Variants in ENO4 observed in about 807,000 individuals in gnomAD.
ENO4 encodes the protein enolase 4.
In ENO4, 53 loss-of-function variants were observed where a neutral mutation model predicts 63.2. The observed-to-expected ratio is 0.84, with a 90% CI of 0.67 to 1.05. The LOEUF (loss-of-function observed/expected upper bound fraction) is 1.05. Ranked by LOEUF, ENO4 falls within the 50% of genes least tolerant of loss-of-function variation. The pLI, the probability that ENO4 is intolerant of heterozygous loss-of-function variation, is 0.00. For synonymous variants in ENO4, 266 were observed against 283.8 expected (o/e 0.94, Z 0.63); for missense variants, 719 against 772.0 (o/e 0.93, Z 0.81).
intron 10 of ENO4, among the ~76,000 whole-genome samples, chr10:116,891,919 TAA>T (rs1191070598): frequency 6.6e-6 from 1 of 152,328 alleles, no homozygotes; most frequent in Admixed American, 6.5e-5. Flanking sequence ...AAGAACGTAT[TAA>T]GTTTGTCAAT....
At position 116,861,041 on chromosome 10, in the gene ENO4, G is replaced by A. The variant is rs565754588; in HGVS notation, c.805-18G>A. 3.2e-5 allele frequency: 50 copies of A among 1,542,326 alleles called. No homozygotes were observed. Among genetic ancestry groups the A allele is most frequent in the Middle Eastern group, 1.7e-4 (1 of 5,956 alleles). On this transcript the variant is annotated intron_variant, in intron 5 of 13. Coordinates refer to ENST00000341276, the MANE Select transcript of ENO4 (RefSeq NM_001242699.2). The stretch of plus-strand genomic sequence containing the variant: ...TGAACCCTGTTTCTCATTTTCCCTC[G>A]TTTTCCCCCTATTTCAGGAACAGCC...
intron 10 of ENO4, among the ~76,000 whole-genome samples, chr10:116,898,680 G>A (rs1011526200): frequency 6.6e-6 from 1 of 152,046 alleles, no homozygotes; most frequent in Non-Finnish European, 1.5e-5. Flanking sequence ...AATAGAAACA[G>A]AATAAATTAG....
rs888094833 is a variant in ENO4 at position 116,879,966 on chromosome 10, T to C, written c.1703T>C (p.Leu568Pro). The change falls in exon 13 of 14, where the codon CTT becomes CCT. Residue 568 changes from leucine (L) to proline (P), a missense_variant. This residue lies in a region of ENO4 where 168 missense variants were observed against 163.3 expected (regional missense o/e 1.03). Transcript: ENST00000341276. ...CGCCTTCTCACTATAGAGGAAGAAC[T>C]TGTCCAGAATGGAACACTGGGTATG... ...YNRLLTIEEE[L>P]VQNGTLGFKE... The C allele has an allele frequency of 1.3e-6, 2 of 1,550,478 alleles. No homozygotes were observed. The highest frequency in any genetic ancestry group is 2.0e-5 in the Admixed American group (1 of 50,966).
At chr10:116,863,466 A>G (rs1291951979) in intron 7 of ENO4, among the ~76,000 whole-genome samples, 1 of 152,156 alleles carries the variant, frequency 6.6e-6, no homozygotes, top group Non-Finnish European at 1.5e-5. Flanking sequence ...ACATTTGTCA[A>G]AACTAAGAAA....
chr10:116,878,986 A>G (rs1166563105), intron 11 of ENO4, among the ~76,000 whole-genome samples: 4 of 151,962 alleles, frequency 2.6e-5, no homozygotes, highest in East Asian at 1.9e-4. Flanking sequence ...CTCATGATCC[A>G]CCTGCCTTGG....
At chr10:116,900,559 G>A (rs1438743041) in intron 10 of ENO4, 2 of 1,534,660 alleles carry the variant, frequency 1.3e-6, no homozygotes, top group African/African-American at 2.7e-5. Context: ...AATGGTAAAG[G>A]AGAAAAATCT....
chr10:116,857,214 A>C (rs531590673), intron 3 of ENO4, among the ~76,000 whole-genome samples: 1 of 152,260 alleles, frequency 6.6e-6, no homozygotes, highest in East Asian at 1.9e-4. Context: ...CTTTTCATGT[A>C]TAGAGCTTTC....
intron 9 of ENO4, among the ~76,000 whole-genome samples, chr10:116,872,419 C>T (rs144587173): frequency 6.0e-4 from 91 of 152,138 alleles, no homozygotes; most frequent in Non-Finnish European, 9.7e-4. Context: ...ATCATGGTGG[C>T]GGGTCTTTCC....
chr10:116,885,460 C>A (rs942305822), downstream of ENO4: 25 of 152,064 alleles, frequency 1.6e-4, no homozygotes, highest in South Asian at 8.3e-4. Context: ...TTAAAAAAAA[C>A]AACAACAAAC....
chr10:116,889,718 C>T (rs2133300502), intron 10 of ENO4, among the ~76,000 whole-genome samples: 1 of 152,320 alleles, frequency 6.6e-6, no homozygotes, highest in Admixed American at 6.5e-5. Flanking sequence ...GCATCTTCTC[C>T]TAGAAACAGG....
chr10:116,850,512 TAAGGAA>T (rs1846047430), intron 1 of ENO4, among the ~76,000 whole-genome samples: 1 of 151,862 alleles, frequency 6.6e-6, no homozygotes, highest in Non-Finnish European at 1.5e-5. Flanking sequence ...CTATAAGTAG[TAAGGAA>T]GGCAGTGTGG....
At chr10:116,872,250 G>A (rs377369817) in intron 9 of ENO4, among the ~76,000 whole-genome samples, 2 of 152,068 alleles carry the variant, frequency 1.3e-5, no homozygotes, top group Non-Finnish European at 2.9e-5. Context: ...GTAATACAAC[G>A]GCAATTTACC....
rs1564846240 is a variant in ENO4, at chr10:116,860,972, C to T, written c.804+9C>T. Reference sequence around the variant, plus strand: ...TACTGAAGCACAATCAGGTTAGTATCTATGAAGTTCCATTAAAAGGAGCCA... The same window carrying T: ...TACTGAAGCACAATCAGGTTAGTATTTATGAAGTTCCATTAAAAGGAGCCA... On this transcript the variant is annotated intron_variant, in intron 5 of 13. Coordinates refer to ENST00000341276, the MANE Select transcript of ENO4 (RefSeq NM_001242699.2). The T allele has an allele frequency of 6.5e-7, 1 of 1,534,884 alleles. No homozygotes were observed. Among genetic ancestry groups the T allele is most frequent in the South Asian group, 1.2e-5 (1 of 82,024 alleles).
chr10:116,867,184 G>A lies in ENO4; in HGVS notation c.991-1466G>A, dbSNP rs181636631. 1.7e-3 allele frequency among the ~76,000 whole-genome samples: 259 copies of A among 152,192 alleles called. 5 individuals carry two copies. Among genetic ancestry groups the A allele is most frequent in the Admixed American group, 0.013 (195 of 15,282 alleles). ...TCCTGATGACATCATTTGGCTGGTGGCAGAGATTAGTAGATTACATCATGC... is the reference window on the plus strand; with the variant it reads ...TCCTGATGACATCATTTGGCTGGTGACAGAGATTAGTAGATTACATCATGC... On this transcript the variant is annotated intron_variant, in intron 7 of 13. Transcript: ENST00000341276.
Position 116,880,191 on chromosome 10 carries a change from G to A in ENO4, c.1723+205G>A, listed in dbSNP as rs1846965348. On this transcript the variant is annotated intron_variant, in intron 13 of 13. Coordinates refer to ENST00000341276, the MANE Select transcript of ENO4 (RefSeq NM_001242699.2). The stretch of plus-strand genomic sequence containing the variant: ...ATTTACCTGAATGTTTAAAACTCTC[G>A]CCCTTTTTCTTGATGAATAGGCTGC... 2.0e-5 allele frequency among the ~76,000 whole-genome samples: 3 copies of A among 152,014 alleles called. No homozygotes were observed. The South Asian group carries it at 6.2e-4, about 32-fold the overall frequency.
At chr10:116,886,201 T>G, downstream of ENO4, 1 of 1,178,414 alleles carries the variant, frequency 8.5e-7, no homozygotes, top group Non-Finnish European at 1.2e-6. Context: ...TAGTTGCTAC[T>G]TACAAAAGTG....
chr10:116,872,074 G>A (rs1012620746), intron 9 of ENO4, among the ~76,000 whole-genome samples: 1 of 152,180 alleles, frequency 6.6e-6, no homozygotes, highest in African/African-American at 2.4e-5. Flanking sequence ...GTGGGCTTCT[G>A]TAATCTCAGC....
chr10:116,851,993 G>A (rs1276879546), intron 1 of ENO4, among the ~76,000 whole-genome samples: 7 of 152,034 alleles, frequency 4.6e-5, no homozygotes, highest in Non-Finnish European at 1.0e-4. Flanking sequence ...ATCTTGAATT[G>A]TACTGCTCAT....
At chr10:116,898,858 A>T (rs1186428154) in intron 10 of ENO4, among the ~76,000 whole-genome samples, 1 of 152,180 alleles carries the variant, frequency 6.6e-6, no homozygotes. Flanking sequence ...TTGCTTTCTT[A>T]TAAGTCCCTA....
Sources: gnomAD v4.1 joint callset for allele counts (sites outside exome capture counted in the v4.1 genomes callset) on GRCh38, gnomAD v4.1.1 for gene constraint, gnomAD v4.1.1 regional missense constraint, MANE v1.5 for transcripts, NCBI Gene and HGNC (gene_info 2026-07-23, HGNC 2026-07-21) for gene names.